Variants in ARHGAP26 observed in about 807,000 individuals in gnomAD.
ARHGAP26 encodes Rho GTPase activating protein 26.
Under a neutral mutation model 104.8 loss-of-function variants are expected in ARHGAP26, and 38 were observed. The observed-to-expected ratio is 0.36, with a 90% CI of 0.28 to 0.48. The LOEUF is 0.48. Among genes scored for constraint, ARHGAP26 ranks in the 20% least tolerant of loss-of-function variants. The pLI is 0.99. For missense variants in ARHGAP26, 704 were observed against 947.9 expected (o/e 0.74, Z 3.38); for synonymous variants, 341 against 340.0 (o/e 1.00, Z -0.03).
intron 1 of ARHGAP26, among the ~76,000 whole-genome samples, chr5:142,784,540 AT>A (rs1383679009): frequency 6.6e-6 from 1 of 152,160 alleles, no homozygotes; most frequent in Non-Finnish European, 1.5e-5. Context: ...AAGAAAGACA[AT>A]TTGTTTTTTG....
intron 18 of ARHGAP26, among the ~76,000 whole-genome samples, chr5:143,126,609 G>C (rs1796755372): frequency 1.3e-5 from 2 of 152,172 alleles, no homozygotes; most frequent in South Asian, 2.1e-4. Flanking sequence ...TTTGCTTGGA[G>C]GTTAGAGAGA....
intron 17 of ARHGAP26, among the ~76,000 whole-genome samples, chr5:143,119,025 A>G (rs1795827406): frequency 6.6e-6 from 1 of 152,178 alleles, no homozygotes; most frequent in Admixed American, 6.5e-5. Flanking sequence ...CAATTAAACA[A>G]TAAAAGCACT....
At chr5:142,878,133 A>G (rs966673275) in intron 3 of ARHGAP26, among the ~76,000 whole-genome samples, 2 of 152,202 alleles carry the variant, frequency 1.3e-5, no homozygotes, top group East Asian at 1.9e-4. Context: ...GACTTCTGGC[A>G]TTTACCCGGT....
chr5:142,782,714 A>G (rs1757762095), intron 1 of ARHGAP26, among the ~76,000 whole-genome samples: 1 of 152,180 alleles, frequency 6.6e-6, no homozygotes, highest in South Asian at 2.1e-4. Flanking sequence ...ATGAAACTGG[A>G]GAAAACAGCA....
intron 17 of ARHGAP26, among the ~76,000 whole-genome samples, chr5:143,096,291 T>G (rs547903164): frequency 1.3e-5 from 2 of 152,218 alleles, no homozygotes; most frequent in Non-Finnish European, 2.9e-5. Flanking sequence ...TCATTAAATA[T>G]TGGGAAGTTG....
rs1473711353 is a variant in ARHGAP26 at position 142,903,511 on chromosome 5, T to G, written c.703-29T>G. 1.9e-6 allele frequency: 3 copies of G among 1,607,792 alleles called. No individual in the cohort carries two copies. The African/African-American group carries it at 4.0e-5, about 22-fold the overall frequency. ...TGTTAAAACAGATACTTTGTTTCTT[T>G]GATTTGAATAAAATTATTTTCATCC... is the stretch of plus-strand genomic sequence containing the variant. On this transcript the variant is annotated intron_variant, in intron 7 of 22. Coordinates refer to ENST00000645722, the MANE Select transcript of ARHGAP26 (RefSeq NM_001135608.3).
intron 11 of ARHGAP26, among the ~76,000 whole-genome samples, chr5:142,960,661 G>A (rs866265439): frequency 5.9e-5 from 9 of 152,324 alleles, no homozygotes; most frequent in African/African-American, 1.9e-4. Context: ...TTGAAAAATG[G>A]TTTAAAGTTT....
chr5:142,984,142 A>G (rs142565415), intron 11 of ARHGAP26, among the ~76,000 whole-genome samples: 2 of 152,284 alleles, frequency 1.3e-5, no homozygotes, highest in African/African-American at 4.8e-5. Context: ...CTGGCCTCAC[A>G]TCTGTGGTTC....
chr5:142,897,422 C>T (rs1353852860), intron 6 of ARHGAP26, among the ~76,000 whole-genome samples: 1 of 152,198 alleles, frequency 6.6e-6, no homozygotes, highest in East Asian at 1.9e-4. Flanking sequence ...AGCTTCTAGG[C>T]AGGTCAGTGG....
chr5:142,902,075 T>A (rs1471779096), intron 7 of ARHGAP26, 36 bp downstream of exon 7: 1 of 1,583,598 alleles, frequency 6.3e-7, no homozygotes, highest in Non-Finnish European at 8.6e-7. Flanking sequence ...TTTTATCTGG[T>A]TAAGGAAAAA....
chr5:143,050,735 A>G (rs1268455273), intron 14 of ARHGAP26, among the ~76,000 whole-genome samples: 1 of 152,218 alleles, frequency 6.6e-6, no homozygotes, highest in Non-Finnish European at 1.5e-5. Context: ...AATTTTGTCT[A>G]CCAGTGAAGG....
chr5:142,992,489 A>G (rs1310332001), intron 11 of ARHGAP26, among the ~76,000 whole-genome samples: 2 of 150,592 alleles, frequency 1.3e-5, no homozygotes, highest in Admixed American at 6.6e-5. Context: ...GCTGGAGTGC[A>G]GTGGCGTAAT....
At chr5:143,049,968 A>C in intron 14 of ARHGAP26, among the ~76,000 whole-genome samples, 2 of 152,046 alleles carry the variant, frequency 1.3e-5, no homozygotes, top group African/African-American at 2.4e-5. Context: ...CTGTAGTCTG[A>C]TTTCATTGCC....
intron 1 of ARHGAP26, among the ~76,000 whole-genome samples, chr5:142,786,104 A>G (rs1415755826): frequency 6.6e-6 from 1 of 151,610 alleles, no homozygotes; most frequent in Non-Finnish European, 1.5e-5. Flanking sequence ...CCAAGTAGCC[A>G]GAACTACTGG....
At chr5:143,182,386 C>T (rs1387006009) in intron 20 of ARHGAP26, among the ~76,000 whole-genome samples, 2 of 152,138 alleles carry the variant, frequency 1.3e-5, no homozygotes, top group Non-Finnish European at 2.9e-5. Context: ...AATGTTCTTG[C>T]CCGGTATTTC....
At chr5:142,941,107 A>C in intron 11 of ARHGAP26, among the ~76,000 whole-genome samples, 1 of 141,220 alleles carries the variant, frequency 7.1e-6, no homozygotes, top group Non-Finnish European at 1.5e-5. Context: ...AAAAGAATCT[A>C]TATTCCATTG....
At chr5:142,993,020 C>T (rs933685828) in intron 11 of ARHGAP26, among the ~76,000 whole-genome samples, 18 of 152,060 alleles carry the variant, frequency 1.2e-4, no homozygotes, top group Admixed American at 2.0e-4. Flanking sequence ...CTCACTCTTT[C>T]GCCCAGGCTG....
At chr5:143,083,226 T>C (rs1790065622) in intron 17 of ARHGAP26, among the ~76,000 whole-genome samples, 1 of 152,244 alleles carries the variant, frequency 6.6e-6, no homozygotes, top group Non-Finnish European at 1.5e-5. Context: ...CTCTGGAAAC[T>C]GGTTTACCAT....
intron 19 of ARHGAP26, among the ~76,000 whole-genome samples, chr5:143,137,899 A>G (rs1205230420): frequency 6.6e-6 from 1 of 152,172 alleles, no homozygotes; most frequent in Non-Finnish European, 1.5e-5. Context: ...TTAGAGGTGA[A>G]TCTTGGCCTT....
Sources: gnomAD v4.1 joint callset for allele counts (sites outside exome capture counted in the v4.1 genomes callset) on GRCh38, gnomAD v4.1.1 for gene constraint, MANE v1.5 for transcripts, NCBI Gene and HGNC (gene_info 2026-07-23, HGNC 2026-07-21) for gene names.